The following SPON1 variants were observed in gnomAD, a reference collection of about 807,000 sequenced individuals.
SPON1 encodes the protein spondin-1.
SPON1 carries 52 observed loss-of-function variants against 111.7 expected under a neutral mutation model. The ratio of observed to expected loss-of-function variants is 0.47; its 90% CI spans 0.37 to 0.59. The LOEUF is 0.59. Ranked by LOEUF, SPON1 falls within the 20% of genes least tolerant of loss-of-function variation. SPON1 has a pLI of 0.00. For synonymous variants in SPON1, 410 were observed against 395.8 expected (o/e 1.04, Z -0.43); for missense variants, 957 against 1,068.5 (o/e 0.90, Z 1.46).
At chr11:14,024,550 C>T (rs1848504083) in intron 2 of SPON1, among the ~76,000 whole-genome samples, 1 of 152,258 alleles carries the variant, frequency 6.6e-6, no homozygotes, top group Non-Finnish European at 1.5e-5. Context: ...GTTCCACCAT[C>T]GCTGGTCTGC....
intron 6 of SPON1, among the ~76,000 whole-genome samples, chr11:14,235,992 T>C (rs1848861852): frequency 6.6e-6 from 1 of 152,022 alleles, no homozygotes; most frequent in Non-Finnish European, 1.5e-5. Context: ...ACCCAGGTTG[T>C]GGAAGAGTAG....
chr11:14,234,340 TGCTGAAGGTCAGGTA>T (rs1848838681), intron 6 of SPON1, among the ~76,000 whole-genome samples: 1 of 152,134 alleles, frequency 6.6e-6, no homozygotes, highest in African/African-American at 2.4e-5. Context: ...TTTTTCTGAC[TGCTGAAGGTCAGGTA>T]GAAGATGGGG....
chr11:14,265,593 G>GTTA lies in SPON1; in HGVS notation c.2331_2333dup (p.Tyr778dup). The GTTA allele has an allele frequency of 6.2e-7, 1 of 1,613,726 alleles. No individual in the cohort carries two copies. Among genetic ancestry groups the GTTA allele is most frequent in the Non-Finnish European group, 8.5e-7 (1 of 1,179,822 alleles). On this transcript the variant is annotated inframe_insertion, in exon 16 of 16. Transcript: ENST00000576479. ...CTGTGCGGAGGTGGAATTCAGGAAC[G>GTTA]TTACATGACTGTAAAGAAGAGATTC...
At chr11:14,082,710 G>A (rs9299927) in intron 5 of SPON1, among the ~76,000 whole-genome samples, 114,851 of 152,168 alleles carry the variant, frequency 0.75, 45,026 homozygotes, top group East Asian at 1. Context: ...GGATCTAATC[G>A]GGATCTTGAA....
chr11:14,201,112 G>A (rs531036497), intron 6 of SPON1, among the ~76,000 whole-genome samples: 23 of 152,040 alleles, frequency 1.5e-4, no homozygotes, highest in African/African-American at 5.3e-4. Flanking sequence ...AGGCCAGGGC[G>A]GGTAGATCAC....
chr11:14,249,754 G>T (rs1377261294), intron 7 of SPON1, among the ~76,000 whole-genome samples: 1 of 152,118 alleles, frequency 6.6e-6, no homozygotes, highest in African/African-American at 2.4e-5. Flanking sequence ...TGGAAAAGTT[G>T]AATGAGAAGA....
chr11:14,091,210 T>C (rs1469439770), intron 5 of SPON1, among the ~76,000 whole-genome samples: 7 of 151,746 alleles, frequency 4.6e-5, no homozygotes, highest in Non-Finnish European at 7.4e-5. Flanking sequence ...AATCCCTGAG[T>C]TAGATATAAA....
chr11:14,161,985 C>G (rs889461712), intron 6 of SPON1, among the ~76,000 whole-genome samples: 18 of 151,662 alleles, frequency 1.2e-4, no homozygotes, highest in African/African-American at 4.4e-4. Flanking sequence ...AAAACCCCAT[C>G]TCTACTAAAA....
intron 6 of SPON1, among the ~76,000 whole-genome samples, chr11:14,162,373 CA>C (rs1406873225): frequency 5.3e-5 from 8 of 152,040 alleles, no homozygotes; most frequent in Non-Finnish European, 2.9e-5. Context: ...TGTGTTAAAG[CA>C]GGGAATTTAA....
intron 6 of SPON1, among the ~76,000 whole-genome samples, chr11:14,141,994 A>G (rs1847662454): frequency 6.6e-6 from 1 of 152,290 alleles, no homozygotes; most frequent in Admixed American, 6.5e-5. Context: ...TTGCCTCTGA[A>G]TCAAGATTTC....
intron 6 of SPON1, among the ~76,000 whole-genome samples, chr11:14,230,173 T>C (rs1848782673): frequency 6.6e-6 from 1 of 152,186 alleles, no homozygotes; most frequent in East Asian, 1.9e-4. Flanking sequence ...GAAAGCAGCA[T>C]TCCCAGGATC....
In SPON1 at chr11:14,225,243, G is replaced by GGTT. The variant is rs566114979; in HGVS notation, c.826-18088_826-18086dup. 1.2e-4 allele frequency among the ~76,000 whole-genome samples: 18 copies of GGTT among 152,148 alleles called. No individual in the cohort carries two copies. In the South Asian group the frequency reaches 3.7e-3, roughly 32 times the overall value. On this transcript the variant is annotated intron_variant, in intron 6 of 15. Coordinates refer to ENST00000576479, the MANE Select transcript of SPON1 (RefSeq NM_006108.4). ...GGCTTACAATGTAAAAAGTAACAAT[G>GGTT]GTTATCTGTGGGTAGTGGGATTATG...
chr11:14,105,839 G>T (rs547368052), intron 5 of SPON1, among the ~76,000 whole-genome samples: 1 of 152,160 alleles, frequency 6.6e-6, no homozygotes, highest in Non-Finnish European at 1.5e-5. Context: ...AGCACATCAT[G>T]TCCTAAATAA....
At chr11:14,160,587 ATATATATATT>A (rs1278956203) in intron 6 of SPON1, among the ~76,000 whole-genome samples, 129 of 12,620 alleles carry the variant, frequency 0.01, 15 homozygotes, top group African/African-American at 0.027. Context: ...ATATATTTAC[ATATATATATT>A]TATATATATT....
intron 13 of SPON1, 50 bp from the exon 14 acceptor site, chr11:14,260,538 C>T (rs782669028): frequency 1.3e-5 from 20 of 1,578,254 alleles, no homozygotes; most frequent in African/African-American, 5.4e-5. Flanking sequence ...GGGAGATCAA[C>T]GAAAACAAAA....
chr11:14,132,777 A>G (rs1258211962), intron 5 of SPON1, among the ~76,000 whole-genome samples: 2 of 152,236 alleles, frequency 1.3e-5, no homozygotes, highest in African/African-American at 4.8e-5. Flanking sequence ...TACTGAATTA[A>G]AGGCAAGTTT....
At chr11:14,089,852 T>C (rs1849035659) in intron 5 of SPON1, among the ~76,000 whole-genome samples, 1 of 152,188 alleles carries the variant, frequency 6.6e-6, no homozygotes, top group Non-Finnish European at 1.5e-5. Flanking sequence ...CCCTGCCCTG[T>C]GAGGAGGAAT....
At chr11:14,264,483 T>C (rs1225685957) in intron 15 of SPON1, among the ~76,000 whole-genome samples, 1 of 152,126 alleles carries the variant, frequency 6.6e-6, no homozygotes, top group East Asian at 1.9e-4. Flanking sequence ...AAGATTAACA[T>C]GTACATCAAG....
At chr11:14,256,974 C>A (rs1479848228) in intron 10 of SPON1, among the ~76,000 whole-genome samples, 1 of 152,084 alleles carries the variant, frequency 6.6e-6, no homozygotes, top group East Asian at 1.9e-4. Context: ...GGATTCAGAC[C>A]ACTCTCTGCT....
Sources: gnomAD v4.1 joint callset for allele counts (sites outside exome capture counted in the v4.1 genomes callset) on GRCh38, gnomAD v4.1.1 for gene constraint, MANE v1.5 for transcripts, NCBI Gene and HGNC (gene_info 2026-07-23, HGNC 2026-07-21) for gene names.